The following PCDH9 variants were observed in gnomAD, a reference collection of about 807,000 sequenced individuals.
PCDH9 encodes the protein protocadherin 9, also known as protocadherin-9.
A neutral mutation model predicts 70.6 loss-of-function variants in PCDH9; 24 were observed. The observed-to-expected ratio is 0.34, with a 90% CI of 0.25 to 0.48. PCDH9 has a LOEUF of 0.48. Ranked by LOEUF, PCDH9 falls within the 20% of genes least tolerant of loss-of-function variation. PCDH9 has a pLI of 0.99. For missense variants in PCDH9, 1,281 were observed against 1,503.6 expected (o/e 0.85, Z 2.45); for synonymous variants, 562 against 558.5 (o/e 1.01, Z -0.09).
chr13:67,154,942 A>C (rs1416935298), intron 2 of PCDH9, among the ~76,000 whole-genome samples: 1 of 151,816 alleles, frequency 6.6e-6, no homozygotes, highest in Admixed American at 6.6e-5. Flanking sequence ...CGAACTCCTG[A>C]TCTCAGGTGA....
At chr13:66,848,509 T>C (rs1353833084) in intron 3 of PCDH9, among the ~76,000 whole-genome samples, 4 of 152,308 alleles carry the variant, frequency 2.6e-5, no homozygotes, top group South Asian at 2.1e-4. Flanking sequence ...GGAGTATTAA[T>C]AAATATCCAC....
chr13:67,005,993 A>G (rs529382883), intron 2 of PCDH9, among the ~76,000 whole-genome samples: 4 of 152,286 alleles, frequency 2.6e-5, no homozygotes, highest in African/African-American at 4.8e-5. Flanking sequence ...TTGGGAGGCC[A>G]AGGCGGGCAG....
intron 4 of PCDH9, among the ~76,000 whole-genome samples, chr13:66,536,334 C>G (rs185930071): frequency 1.4e-4 from 21 of 152,160 alleles, no homozygotes; most frequent in African/African-American, 4.3e-4. Context: ...AATGTAATAA[C>G]AGCAACAACA....
intron 3 of PCDH9, among the ~76,000 whole-genome samples, chr13:66,808,669 T>C (rs1459575681): frequency 6.6e-6 from 1 of 152,186 alleles, no homozygotes; most frequent in Non-Finnish European, 1.5e-5. Flanking sequence ...AAAGCACTAG[T>C]AGGCTAATTG....
intron 4 of PCDH9, among the ~76,000 whole-genome samples, chr13:66,335,677 A>G (rs1176587922): frequency 1.3e-5 from 2 of 152,112 alleles, no homozygotes; most frequent in Non-Finnish European, 2.9e-5. Context: ...CTGATTTCAA[A>G]ACTTATAGCC....
chr13:66,842,018 TC>T (rs2081124252), intron 3 of PCDH9, among the ~76,000 whole-genome samples: 2 of 152,118 alleles, frequency 1.3e-5, no homozygotes. Context: ...CTAGCATAAC[TC>T]CAGGATTCTT....
intron 3 of PCDH9, among the ~76,000 whole-genome samples, chr13:66,878,399 G>A (rs1007432465): frequency 2.0e-5 from 3 of 151,772 alleles, no homozygotes; most frequent in African/African-American, 4.8e-5. Context: ...GCTAATTATC[G>A]TATTTTTAGT....
chr13:67,228,098 C>T lies in PCDH9; in HGVS notation c.343G>A (p.Val115Met). ...AAGAAATCATTGGGGAGGATCACCA[C>T]CTCAAGTTCAAAGAAACACTCATTC... ...EENECFFELE[V>M]VILPNDFFRL... Residue 115 changes from valine to methionine, a missense_variant, in exon 2 of 5, where the codon GTG (valine) becomes ATG (methionine). Coordinates refer to ENST00000377865, the MANE Select transcript of PCDH9 (RefSeq NM_203487.3). The T allele has an allele frequency of 1.2e-6, 2 of 1,614,118 alleles. No homozygotes were observed. Among genetic ancestry groups the T allele is most frequent in the South Asian group, 2.2e-5 (2 of 91,070 alleles).
At chr13:66,889,259 A>C (rs1407470730) in intron 3 of PCDH9, among the ~76,000 whole-genome samples, 2 of 152,230 alleles carry the variant, frequency 1.3e-5, no homozygotes, top group South Asian at 2.1e-4. Flanking sequence ...AGCCACACGA[A>C]GCAGTTATAG....
intron 2 of PCDH9, among the ~76,000 whole-genome samples, chr13:67,109,619 A>AT: frequency 6.6e-6 from 1 of 152,332 alleles, no homozygotes; most frequent in East Asian, 1.9e-4. Flanking sequence ...AAGTCTCTAT[A>AT]AAAGTTTAGT....
intron 3 of PCDH9, among the ~76,000 whole-genome samples, chr13:66,734,863 C>G (rs572031386): frequency 6.6e-6 from 1 of 152,002 alleles, no homozygotes; most frequent in Admixed American, 6.6e-5. Flanking sequence ...AGCCAAAATT[C>G]AAAAGCAACT....
At chr13:66,352,022 G>T (rs547760816) in intron 4 of PCDH9, among the ~76,000 whole-genome samples, 5 of 152,128 alleles carry the variant, frequency 3.3e-5, no homozygotes, top group South Asian at 2.1e-4. Flanking sequence ...TTTTAGTAGA[G>T]GCAGGGTTTC....
chr13:66,723,388 T>A (rs1433469367), intron 3 of PCDH9, among the ~76,000 whole-genome samples: 1 of 152,162 alleles, frequency 6.6e-6, no homozygotes, highest in African/African-American at 2.4e-5. Context: ...ATTTTCAGAA[T>A]AAAATTTTCA....
At chr13:67,033,747 C>T (rs757088715) in intron 2 of PCDH9, among the ~76,000 whole-genome samples, 2 of 152,116 alleles carry the variant, frequency 1.3e-5, no homozygotes, top group African/African-American at 4.8e-5. Context: ...GTGTCTTTAA[C>T]GCTTAAGAAG....
At chr13:66,484,281 A>G (rs1003868246) in intron 4 of PCDH9, among the ~76,000 whole-genome samples, 1 of 151,988 alleles carries the variant, frequency 6.6e-6, no homozygotes, top group Non-Finnish European at 1.5e-5. Context: ...CTTGAGACAC[A>G]CGTCCACTGG....
At chr13:66,538,065 C>G (rs1960782743) in intron 4 of PCDH9, among the ~76,000 whole-genome samples, 1 of 151,998 alleles carries the variant, frequency 6.6e-6, no homozygotes, top group African/African-American at 2.4e-5. Context: ...ACTTTGGTAG[C>G]CTAGTTCAGT....
intron 4 of PCDH9, among the ~76,000 whole-genome samples, chr13:66,342,791 TTATTG>T (rs66872703): frequency 0.88 from 122,898 of 139,800 alleles, 53,785 homozygotes; most frequent in Middle Eastern, 0.95. Flanking sequence ...TTGTATTTAT[TTATTG>T]TATTTATTTA....
intron 3 of PCDH9, among the ~76,000 whole-genome samples, chr13:66,882,966 G>C (rs2081946033): frequency 6.6e-6 from 1 of 152,126 alleles, no homozygotes; most frequent in Non-Finnish European, 1.5e-5. Context: ...TCTAGAGAAT[G>C]ACTTTCAAAG....
intron 2 of PCDH9, among the ~76,000 whole-genome samples, chr13:67,003,827 G>T (rs1490597450): frequency 6.6e-6 from 1 of 152,140 alleles, no homozygotes; most frequent in Non-Finnish European, 1.5e-5. Flanking sequence ...CGTTATTAGA[G>T]ATAGCACAGG....
Sources: allele counts gnomAD v4.1 joint callset (sites outside exome capture counted in the v4.1 genomes callset), GRCh38; gene constraint gnomAD v4.1.1; transcripts MANE v1.5; gene names NCBI Gene and HGNC (gene_info 2026-07-23, HGNC 2026-07-21).